The following CDKN2C variants were observed in gnomAD, a reference collection of about 807,000 sequenced individuals.
CDKN2C encodes cyclin-dependent kinase 4 inhibitor C.
CDKN2C carries 5 observed loss-of-function variants against 11.0 expected under a neutral mutation model. The ratio of observed to expected loss-of-function variants is 0.45; its 90% confidence interval spans 0.24 to 0.95. The LOEUF (loss-of-function observed/expected upper bound fraction) is 0.95. Ranked by LOEUF, CDKN2C falls within the 40% of genes least tolerant of loss-of-function variation. The probability of loss-of-function intolerance (pLI) is 0.21; values close to 1 mark genes in which losing one functional copy is unlikely to be tolerated. For missense variants in CDKN2C, 161 were observed against 211.9 expected, an observed-to-expected ratio of 0.76 and a Z score of 1.49; for synonymous variants, 79 against 88.3, an observed-to-expected ratio of 0.89 and a Z score of 0.59.
chr1:50,968,149 G>GC (rs35037351), upstream of CDKN2C: 152,525 of 152,528 alleles, frequency 1, 76,261 homozygotes, highest in Middle Eastern at 1. Context: ...CGAGGCCGAG[G>GC]CCAGGGCTCA....
At chr1:50,967,079 A>G (rs1011899420), upstream of CDKN2C, among the ~76,000 whole-genome samples, 9 of 152,178 alleles carry the variant, frequency 5.9e-5, no homozygotes, top group African/African-American at 2.2e-4. Context: ...CCTCTTTACA[A>G]TTTATCTCTA....
At position 50,973,980 on chromosome 1, in the gene CDKN2C, G is replaced by A. The variant is rs2147958315; in HGVS notation, c.217G>A (p.Val73Ile). The change falls in exon 2 of 2, where the codon GTC becomes ATC. Residue 73 changes from valine (V) to isoleucine (I), a missense_variant. Transcript: ENST00000371761. ...PDLKDRTGFA[V>I]IHDAARAGFL... ...TTTGAAAGACCGAACTGGTTTCGCT[G>A]TCATTCATGATGCGGCCAGAGCAGG... 2 of 1,614,248 alleles carry A rather than the reference G, an allele frequency of 1.2e-6. No individual in the cohort carries two copies. Among genetic ancestry groups the A allele is most frequent in the Non-Finnish European group, 8.5e-7 (1 of 1,180,040 alleles).
At chr1:50,965,183 C>T (rs1645342025) in intron 1 of CDKN2C, among the ~76,000 whole-genome samples, 1 of 151,636 alleles carries the variant, frequency 6.6e-6, no homozygotes, top group African/African-American at 2.4e-5. Flanking sequence ...GCTTACTGGG[C>T]TTTTTTTCCT....
upstream of CDKN2C, chr1:50,968,837 A>G (rs1044751711): frequency 6.6e-6 from 1 of 152,382 alleles, no homozygotes; most frequent in Admixed American, 6.5e-5. Context: ...CTGAGAGGCA[A>G]CAGAAGCAGC....
chr1:50,965,503 A>G (rs1267714259), upstream of CDKN2C, among the ~76,000 whole-genome samples: 1 of 152,050 alleles, frequency 6.6e-6, no homozygotes, highest in African/African-American at 2.4e-5. Flanking sequence ...CTCAAAAAAA[A>G]AAGAACTTTC....
chr1:50,972,681 T>C (rs1300608582), intron 1 of CDKN2C, among the ~76,000 whole-genome samples: 1 of 152,146 alleles, frequency 6.6e-6, no homozygotes, highest in Non-Finnish European at 1.5e-5. Flanking sequence ...TTGCATGCTG[T>C]TCTACAAGAT....
chr1:50,971,127 G>T (rs1225145712), intron 1 of CDKN2C, among the ~76,000 whole-genome samples: 1 of 152,142 alleles, frequency 6.6e-6, no homozygotes, highest in Non-Finnish European at 1.5e-5. Flanking sequence ...TTGTCTCTAC[G>T]GTCATGCCGT....
chr1:50,967,869 C>T (rs1286643817), upstream of CDKN2C: 1 of 152,206 alleles, frequency 6.6e-6, no homozygotes. Flanking sequence ...TTAGAAAACA[C>T]TTCACACGAC....
At chr1:50,969,717 T>G, upstream of CDKN2C, 1 of 169,754 alleles carries the variant, frequency 5.9e-6, no homozygotes, top group East Asian at 1.2e-4. The surrounding 1 kb of genome is among the most constrained non-coding windows in gnomAD (Gnocchi z 6.6). Context: ...GCTACTCCCG[T>G]TCGCCTTTGG....
In CDKN2C at chr1:50,970,268, G is replaced by A; in HGVS notation, c.-101G>A. The A allele has an allele frequency of 1.4e-6, 2 of 1,437,020 alleles. No homozygotes were observed. Among genetic ancestry groups the A allele is most frequent in the Admixed American group, 1.8e-5 (1 of 55,378 alleles). The allele number at this position is 1,437,020 out of a possible 1,614,324, so 89.0% of individuals were successfully genotyped here. A position where few individuals can be genotyped will look rare whatever the true frequency, so the allele number is the denominator to read the frequency against. Reference sequence around the variant, plus strand: ...CCAGATTAACCATCCCAGTCCTTCTGTCAGTCTCCGATGCCATCATGCAGC... The same window carrying A: ...CCAGATTAACCATCCCAGTCCTTCTATCAGTCTCCGATGCCATCATGCAGC... On this transcript the variant is annotated 5_prime_UTR_variant, in exon 1 of 2. Transcript: ENST00000371761.
chr1:50,963,053 C>G (rs141046721), intron 1 of CDKN2C, among the ~76,000 whole-genome samples: 95 of 152,310 alleles, frequency 6.2e-4, no homozygotes, highest in Middle Eastern at 6.8e-3. Flanking sequence ...TTAAAACTCT[C>G]CAAACATATT....
At chr1:50,969,365 C>T (rs1201266130), upstream of CDKN2C, 1 of 152,278 alleles carries the variant, frequency 6.6e-6, no homozygotes, top group Admixed American at 6.5e-5. This position sits in a 1 kb window ranked among gnomAD's most constrained non-coding sequence, Gnocchi z 6.6. Context: ...CCAGTGCAGC[C>T]GCAATGCTGC....
chr1:50,968,326 C>T (rs1230062781), upstream of CDKN2C: 1 of 152,476 alleles, frequency 6.6e-6, no homozygotes, highest in African/African-American at 2.4e-5. Context: ...TGTCCGCCTT[C>T]CCGCAGCGTA....
chr1:50,966,611 T>C (rs570552334), upstream of CDKN2C, among the ~76,000 whole-genome samples: 3 of 152,270 alleles, frequency 2.0e-5, no homozygotes, highest in African/African-American at 7.2e-5. Flanking sequence ...TAGATTTTCA[T>C]TGGAGTTACT....
Position 50,974,216 on chromosome 1 carries a change from G to A in CDKN2C, c.453G>A (p.Glu151=), listed in dbSNP as rs2147958671. Residue 151 remains glutamate, a synonymous_variant, in exon 2 of 2, where the codon GAG becomes GAA. Transcript: ENST00000371761. ...CDLARLYGRN[E]VVSLMQANGA... is the part of the protein sequence containing the mutation. ...TGGCCAGGCTCTATGGGAGGAATGA[G>A]GTTGTTAGCCTGATGCAGGCAAACG... 1 of 1,603,102 alleles carries A rather than the reference G, an allele frequency of 6.2e-7. No individual in the cohort carries two copies. The highest frequency in any genetic ancestry group is 8.5e-7 in the Non-Finnish European group (1 of 1,172,560).
intron 1 of CDKN2C, 35 bp from the exon 2 acceptor site, chr1:50,973,858 C>T (rs773164478): frequency 1.2e-6 from 2 of 1,611,756 alleles, no homozygotes; most frequent in Non-Finnish European, 1.7e-6. Flanking sequence ...AGCATATGCA[C>T]TTGAAGGATT....
At position 50,970,498 on chromosome 1, in the gene CDKN2C, G is replaced by A; in HGVS notation, c.129+1G>A. 1 of 1,614,154 alleles carries A rather than the reference G, an allele frequency of 6.2e-7. No homozygotes were observed. The highest frequency in any genetic ancestry group is 8.5e-7 in the Non-Finnish European group (1 of 1,180,022). On this transcript the variant is annotated splice_donor_variant, in intron 1 of 1. Transcript: ENST00000371761. LOFTEE classifies it high-confidence loss of function. ...TGGATTTGGAAGGACTGCGCTGCAG[G>A]TTGGTATTAAGAGAGGTGGGGAAAA...
chr1:50,961,788 C>T (rs1363000092), intron 1 of CDKN2C, among the ~76,000 whole-genome samples: 1 of 152,214 alleles, frequency 6.6e-6, no homozygotes, highest in Non-Finnish European at 1.5e-5. Flanking sequence ...CCACCTCAGC[C>T]TCCTGAGAGT....
intron 1 of CDKN2C, among the ~76,000 whole-genome samples, chr1:50,972,564 T>G (rs1456524091): frequency 1.3e-5 from 2 of 152,136 alleles, no homozygotes; most frequent in East Asian, 1.9e-4. Flanking sequence ...AAATTTAGAT[T>G]ATTATGGATA....
Sources: gnomAD v4.1 joint callset for allele counts (sites outside exome capture counted in the v4.1 genomes callset) on GRCh38, gnomAD v4.1.1 for gene constraint, Gnocchi (gnomAD v3.1) non-coding constraint, MANE v1.5 for transcripts, NCBI Gene and HGNC (gene_info 2026-07-23, HGNC 2026-07-21) for gene names.